RORA: variants seen among roughly 807,000 people sequenced by gnomAD.
The protein encoded by RORA is nuclear receptor ROR-alpha.
Under a neutral mutation model 69.5 loss-of-function variants are expected in RORA, and 7 were observed. That is an observed-to-expected ratio of 0.10 (90% CI 0.06 to 0.19). RORA has a LOEUF of 0.19. Ranked by LOEUF, RORA falls within the 10% of genes least tolerant of loss-of-function variation. The pLI is 1.00. For missense variants in RORA, 457 were observed against 663.0 expected (o/e 0.69, Z 3.41); for synonymous variants, 261 against 240.8 (o/e 1.08, Z -0.78).
chr15:60,754,646 C>A (rs1280927477), intron 1 of RORA, among the ~76,000 whole-genome samples: 1 of 152,160 alleles, frequency 6.6e-6, no homozygotes, highest in Non-Finnish European at 1.5e-5. Flanking sequence ...TCCACAATAC[C>A]TCTGCCAACA....
Position 61,014,029 on chromosome 15 carries a change from C to T in RORA, c.166+215024G>A, listed in dbSNP as rs142441313. On this transcript the variant is annotated intron_variant, in intron 1 of 10. Transcript: ENST00000335670. Reference sequence around the variant, plus strand: ...CGATCTCCTGACATTGTGATCTGCCCGCCTCGGCCTCCCAAAGTGCTGGGA... The same window carrying T: ...CGATCTCCTGACATTGTGATCTGCCTGCCTCGGCCTCCCAAAGTGCTGGGA... 4.4e-3 allele frequency among the ~76,000 whole-genome samples: 676 copies of T among 152,080 alleles called. 3 individuals are homozygous for T. Among genetic ancestry groups the T allele is most frequent in the African/African-American group, 0.015 (625 of 41,476 alleles).
intron 1 of RORA, among the ~76,000 whole-genome samples, chr15:61,152,732 T>A (rs1482135076): frequency 6.6e-6 from 1 of 152,080 alleles, no homozygotes; most frequent in East Asian, 1.9e-4. Context: ...CATCCATCCA[T>A]CCACAGACTC....
chr15:60,993,719 AT>A (rs1049867138), intron 1 of RORA, among the ~76,000 whole-genome samples: 1 of 151,154 alleles, frequency 6.6e-6, no homozygotes, highest in African/African-American at 2.4e-5. Flanking sequence ...TCAGTACCGC[AT>A]TTAATTCTCA....
rs147389949 is a variant in RORA, at chr15:60,705,264, T to C, written c.167-26578A>G. Among the ~76,000 whole-genome samples, 145 of 152,260 alleles carry C rather than the reference T, an allele frequency of 9.5e-4. 2 individuals are homozygous for C. The East Asian group carries it at 0.023, about 25-fold the overall frequency. ...GGCAGGGCTTGTATTAAATGCCAAA[T>C]AAGGAATTTTTACACAATGTGGAAA... is the stretch of plus-strand genomic sequence containing the variant. On this transcript the variant is annotated intron_variant, in intron 1 of 10. Transcript: ENST00000335670.
chr15:60,724,052 C>T (rs2071326621), intron 1 of RORA, among the ~76,000 whole-genome samples: 1 of 152,164 alleles, frequency 6.6e-6, no homozygotes, highest in Non-Finnish European at 1.5e-5. Context: ...ACTGACTTTA[C>T]CTCTGGCTTC....
chr15:60,829,469 C>A (rs919838340), intron 1 of RORA, among the ~76,000 whole-genome samples: 1 of 152,116 alleles, frequency 6.6e-6, no homozygotes, highest in African/African-American at 2.4e-5. Context: ...AGTTGTCTGG[C>A]CACATCTCTA....
Position 60,489,845 on chromosome 15 carries a change from A to G in RORA, c.*7610T>C, listed in dbSNP as rs867448376. 5.9e-5 allele frequency: 9 copies of G among 152,184 alleles called. No individual in the cohort carries two copies. The highest frequency in any genetic ancestry group is 2.9e-5 in the Non-Finnish European group (2 of 68,024). The allele number at this position is 152,184 out of a possible 1,614,324, so 9.4% of individuals were successfully genotyped here. A position where few individuals can be genotyped will look rare whatever the true frequency, so the allele number is the denominator to read the frequency against. On this transcript the variant is annotated 3_prime_UTR_variant, in exon 11 of 11. Transcript: ENST00000335670. ...TAGGTGCCAGTAATACAATTCCTTAATAAGAAAAAAAAGTATATTACTCCA... is the reference window on the plus strand; with the variant it reads ...TAGGTGCCAGTAATACAATTCCTTAGTAAGAAAAAAAAGTATATTACTCCA...
At chr15:61,212,254 G>GT (rs1555420817) in intron 1 of RORA, among the ~76,000 whole-genome samples, 698 of 35,832 alleles carry the variant, frequency 0.019, 10 homozygotes, top group African/African-American at 0.029. Context: ...TTGTTTGTTT[G>GT]TTTTAAAAAA....
chr15:60,824,552 T>C (rs1002397857), intron 1 of RORA, among the ~76,000 whole-genome samples: 2 of 152,166 alleles, frequency 1.3e-5, no homozygotes, highest in African/African-American at 2.4e-5. Context: ...CTGTAGTGAT[T>C]AAATCAGACT....
chr15:61,221,927 C>G (rs1253320977), intron 1 of RORA, among the ~76,000 whole-genome samples: 1 of 148,062 alleles, frequency 6.8e-6, no homozygotes, highest in East Asian at 2.0e-4. Flanking sequence ...AAGCCTGAGG[C>G]GGGAGGATCC....
chr15:60,519,154 A>G (rs765208002), intron 3 of RORA, among the ~76,000 whole-genome samples: 4 of 152,182 alleles, frequency 2.6e-5, no homozygotes, highest in Non-Finnish European at 5.9e-5. Context: ...CCATGAGGCT[A>G]AGGGGGGACT....
chr15:60,699,557 CTCT>C (rs2070953068), intron 1 of RORA, among the ~76,000 whole-genome samples: 1 of 152,170 alleles, frequency 6.6e-6, no homozygotes, highest in African/African-American at 2.4e-5. Flanking sequence ...GTTAGCTCAC[CTCT>C]TCTTTAGAAA....
At chr15:60,624,212 T>C in intron 2 of RORA, among the ~76,000 whole-genome samples, 1 of 151,938 alleles carries the variant, frequency 6.6e-6, no homozygotes, top group Non-Finnish European at 1.5e-5. Context: ...TTTCCACCTT[T>C]CCTTCCTTCT....
chr15:60,845,499 C>G lies in RORA; in HGVS notation c.167-166813G>C, dbSNP rs570529129. ...TCCCCAGATCCACAGAATGTGACAG[C>G]TGGGATGAGCTTCCGGGGGTGCCGA... is the stretch of plus-strand genomic sequence containing the variant. On this transcript the variant is annotated intron_variant, in intron 1 of 10. Transcript: ENST00000335670. 1.1e-4 allele frequency among the ~76,000 whole-genome samples: 17 copies of G among 152,248 alleles called. No homozygotes were observed. The East Asian group carries it at 2.7e-3, about 24-fold the overall frequency.
intron 2 of RORA, among the ~76,000 whole-genome samples, chr15:60,672,957 T>G (rs1329300379): frequency 6.6e-6 from 1 of 152,188 alleles, no homozygotes; most frequent in African/African-American, 2.4e-5. Flanking sequence ...AATCTAATCA[T>G]GTCTAACTAA....
chr15:60,547,355 G>A (rs1224549192), intron 2 of RORA, among the ~76,000 whole-genome samples: 16 of 143,524 alleles, frequency 1.1e-4, no homozygotes, highest in Non-Finnish European at 2.4e-4. Flanking sequence ...ATAGGGTCTC[G>A]CTCTGTCACC....
chr15:61,215,887 C>G (rs1443908638), intron 1 of RORA, among the ~76,000 whole-genome samples: 1 of 152,202 alleles, frequency 6.6e-6, no homozygotes, highest in African/African-American at 2.4e-5. Flanking sequence ...GTGTAATTCA[C>G]TTTACAATGG....
In RORA at chr15:60,832,753, T is replaced by C. The variant is rs569480770; in HGVS notation, c.167-154067A>G. On this transcript the variant is annotated intron_variant, in intron 1 of 10. Coordinates refer to ENST00000335670, the MANE Select transcript of RORA (RefSeq NM_134261.3). ...ATTCCCAAAAACATCATCTGTCACA[T>C]TTTGTTGAGGAAAAAATGTTGGGCA... Among the ~76,000 whole-genome samples the C allele has an allele frequency of 2.6e-5, 4 of 152,266 alleles. No individual in the cohort carries two copies. In the South Asian group the frequency reaches 6.2e-4, roughly 24 times the overall value.
chr15:61,162,730 C>G (rs1213835139), intron 1 of RORA, among the ~76,000 whole-genome samples: 1 of 152,100 alleles, frequency 6.6e-6, no homozygotes, highest in Non-Finnish European at 1.5e-5. Context: ...GAGCCGAGAC[C>G]ATAAATGAAG....
Sources: allele counts gnomAD v4.1 joint callset (sites outside exome capture counted in the v4.1 genomes callset), GRCh38; gene constraint gnomAD v4.1.1; transcripts MANE v1.5; gene names NCBI Gene and HGNC (gene_info 2026-07-23, HGNC 2026-07-21).